Variants in SLC38A8 observed in about 807,000 individuals in gnomAD.
The protein encoded by SLC38A8 is solute carrier family 38 member 8, also known as amino acid transporter SLC38A8.
Under a neutral mutation model 46.0 loss-of-function variants are expected in SLC38A8, and 65 were observed. That is an observed-to-expected ratio of 1.41 (90% CI 1.16 to 1.74). The LOEUF is 1.74. SLC38A8 is among the 40% of genes most tolerant of loss of function. The probability of loss-of-function intolerance (pLI) is 0.00; values close to 1 mark genes in which losing one functional copy is unlikely to be tolerated. For missense variants in SLC38A8, 998 were observed against 567.9 expected (o/e 1.76, Z -7.70); for synonymous variants, 447 against 243.7 (o/e 1.83, Z -7.77).
At chr16:84,012,499 C>A (rs2084966174) in intron 10 of SLC38A8, among the ~76,000 whole-genome samples, 1 of 152,186 alleles carries the variant, frequency 6.6e-6, no homozygotes, top group African/African-American at 2.4e-5. Context: ...TCCTCACTAG[C>A]ATCCGGGCCC....
rs114254246 is a variant in SLC38A8, at chr16:84,036,391, G to A, written c.388+311C>T. 1.3e-3 allele frequency among the ~76,000 whole-genome samples: 194 copies of A among 152,336 alleles called. 2 individuals are homozygous for A. Among genetic ancestry groups the A allele is most frequent in the African/African-American group, 4.4e-3 (183 of 41,582 alleles). On this transcript the variant is annotated intron_variant, in intron 3 of 10. Transcript: ENST00000299709. The stretch of plus-strand genomic sequence containing the variant: ...CATTCCAAAGCTAAAGGTGTTACTG[G>A]TTCTTTCTCAGAAGGAGCTGCTTGC...
intron 9 of SLC38A8, among the ~76,000 whole-genome samples, chr16:84,014,787 C>T (rs993435391): frequency 2.0e-5 from 3 of 152,226 alleles, no homozygotes; most frequent in Admixed American, 6.5e-5. Context: ...CTTAATTCAC[C>T]TGCTAAGAAC....
At chr16:84,032,655 G>T (rs2085255744) in intron 4 of SLC38A8, among the ~76,000 whole-genome samples, 1 of 152,244 alleles carries the variant, frequency 6.6e-6, no homozygotes, top group Non-Finnish European at 1.5e-5. Flanking sequence ...GGTCTGAGTG[G>T]CACGAGAGCC....
Position 84,022,891 on chromosome 16 carries a change from T to C in SLC38A8, c.691-2A>G. The stretch of plus-strand genomic sequence containing the variant: ...GATGGAGACGGCAGCTTCGTGACAC[T>C]GTAAGACAGAGGGCGGCTCAGCAGG... On this transcript the variant is annotated splice_acceptor_variant, in intron 6 of 10. Transcript: ENST00000299709. LOFTEE classifies it high-confidence loss of function. 1 of 1,587,800 alleles carries C rather than the reference T, an allele frequency of 6.3e-7. No homozygotes were observed. The highest frequency in any genetic ancestry group is 1.2e-5 in the South Asian group (1 of 86,940).
intron 1 of SLC38A8, 102 bp from the exon 2 acceptor site, chr16:84,042,261 G>T: frequency 7.7e-7 from 1 of 1,305,322 alleles, no homozygotes; most frequent in Non-Finnish European, 1.0e-6. Flanking sequence ...AGAGCTCCCT[G>T]AGCCGCTCCT....
intron 9 of SLC38A8, among the ~76,000 whole-genome samples, chr16:84,013,870 G>A (rs528682516): frequency 7.2e-4 from 109 of 152,100 alleles, no homozygotes; most frequent in Non-Finnish European, 1.0e-3. Flanking sequence ...GCTACAACTG[G>A]CCACCTGGTC....
intron 4 of SLC38A8, 42 bp from the exon 5 acceptor site, chr16:84,032,010 T>C (rs1438451479): frequency 3.2e-6 from 5 of 1,551,840 alleles, no homozygotes; most frequent in East Asian, 2.2e-5. Flanking sequence ...GTGGGTGACA[T>C]GTGCGGTTGA....
chr16:84,030,429 A>G (rs371283265), intron 5 of SLC38A8, among the ~76,000 whole-genome samples: 1 of 151,948 alleles, frequency 6.6e-6, no homozygotes, highest in Admixed American at 6.6e-5. Flanking sequence ...ACAGCCTTCA[A>G]TGCCATGTCT....
intron 10 of SLC38A8, among the ~76,000 whole-genome samples, chr16:84,012,012 A>C (rs892352102): frequency 2.0e-5 from 3 of 152,202 alleles, no homozygotes; most frequent in African/African-American, 7.2e-5. Context: ...GGCCACCAGA[A>C]GCTGAGGCGC....
chr16:84,029,571 G>C lies in SLC38A8; in HGVS notation c.633-20C>G, dbSNP rs1176986042. On this transcript the variant is annotated intron_variant, in intron 5 of 10. Coordinates refer to ENST00000299709, the MANE Select transcript of SLC38A8 (RefSeq NM_001080442.3). ...GCAGGGCTGTAAACAGACAAGAACA[G>C]GAGTTTATTAAAGAAGGGTCACACC... The C allele has an allele frequency of 6.2e-7, 1 of 1,613,438 alleles. No individual in the cohort carries two copies. Among genetic ancestry groups the C allele is most frequent in the South Asian group, 1.1e-5 (1 of 90,986 alleles).
intron 10 of SLC38A8, among the ~76,000 whole-genome samples, chr16:84,011,677 T>C (rs1443356673): frequency 2.0e-5 from 3 of 152,222 alleles, no homozygotes; most frequent in East Asian, 1.9e-4. Context: ...TGAGAGAAGA[T>C]ACAACCTAGA....
In SLC38A8 at chr16:84,009,795, C is replaced by G; in HGVS notation, c.1297G>C (p.Glu433Gln). The change falls in exon 11 of 11, where the codon GAG becomes CAG. Residue 433 changes from glutamate to glutamine, a missense_variant. Transcript: ENST00000299709. The part of the protein sequence containing the change: ...FGQSTAAAVW[E>Q]MF ...GCACTAGCTGCCCATCAGAACATCT[C>G]CCAGACCGCTGCCGCCGTGCTCTGC... 1.2e-6 allele frequency: 2 copies of G among 1,613,980 alleles called. No homozygotes were observed. The highest frequency in any genetic ancestry group is 1.7e-6 in the Non-Finnish European group (2 of 1,179,908).
intron 10 of SLC38A8, among the ~76,000 whole-genome samples, chr16:84,011,388 G>C (rs568842163): frequency 1.3e-5 from 2 of 152,310 alleles, no homozygotes; most frequent in Admixed American, 6.5e-5. Context: ...CAATACCCAA[G>C]GCAGGTTTAG....
intron 6 of SLC38A8, among the ~76,000 whole-genome samples, chr16:84,026,625 C>T (rs551271277): frequency 6.6e-6 from 1 of 152,304 alleles, no homozygotes; most frequent in Non-Finnish European, 1.5e-5. Context: ...TGGAAGGAGA[C>T]AGGAAGACGA....
intron 2 of SLC38A8, among the ~76,000 whole-genome samples, chr16:84,037,978 G>C (rs968329363): frequency 2.0e-5 from 3 of 151,824 alleles, no homozygotes; most frequent in Non-Finnish European, 4.4e-5. Context: ...CCAGCTAATT[G>C]TTTTTTGTAT....
chr16:84,022,630 A>G (rs1423542428), intron 7 of SLC38A8, 145 bp downstream of exon 7: 3 of 638,968 alleles, frequency 4.7e-6, no homozygotes, highest in South Asian at 2.0e-5. Context: ...GCCTTTTCCT[A>G]TGCACACTAA....
At chr16:84,033,966 G>A (rs953845191) in intron 3 of SLC38A8, among the ~76,000 whole-genome samples, 2 of 152,210 alleles carry the variant, frequency 1.3e-5, no homozygotes, top group African/African-American at 2.4e-5. Context: ...GTCATGGATC[G>A]TAGGTAGAGA....
chr16:84,039,825 A>AGGACAGGGTCACAAGAG (rs984468851), intron 2 of SLC38A8: 3 of 149,300 alleles, frequency 2.0e-5, no homozygotes, highest in Non-Finnish European at 4.5e-5. Flanking sequence ...CCATCCCTGG[A>AGGACAGGGTCACAAGAG]GGACAGGGTC....
chr16:84,027,139 T>C (rs914341235), intron 6 of SLC38A8, among the ~76,000 whole-genome samples: 16 of 152,146 alleles, frequency 1.1e-4, no homozygotes, highest in African/African-American at 3.9e-4. Flanking sequence ...ATCAAAAGGT[T>C]AAGAGATCGA....
Sources: gnomAD v4.1 joint callset for allele counts (sites outside exome capture counted in the v4.1 genomes callset) on GRCh38, gnomAD v4.1.1 for gene constraint, MANE v1.5 for transcripts, NCBI Gene and HGNC (gene_info 2026-07-23, HGNC 2026-07-21) for gene names.